Variants in FUS observed in about 807,000 individuals in gnomAD.
FUS encodes RNA-binding protein FUS.
In FUS, 5 loss-of-function variants were observed where a neutral mutation model predicts 82.7. The ratio of observed to expected loss-of-function variants is 0.06; its 90% CI spans 0.03 to 0.13. FUS has a LOEUF of 0.13. FUS is among the 10% of genes least tolerant of loss of function. FUS has a pLI of 1.00. For synonymous variants in FUS, 281 were observed against 247.4 expected (o/e 1.14, Z -1.27); for missense variants, 512 against 707.8 (o/e 0.72, Z 3.14).
intron 7 of FUS, 39 bp downstream of exon 7, chr16:31,186,875 A>G (rs2079278360): frequency 3.8e-6 from 6 of 1,578,982 alleles, no homozygotes; most frequent in Non-Finnish European, 3.5e-6. Flanking sequence ...AACTCCCAGC[A>G]ATGCTTTGTC....
rs1351612749 is a variant in FUS, at chr16:31,184,017, A to T, written c.335+15A>T. The T allele has an allele frequency of 5.0e-6, 8 of 1,613,890 alleles. No homozygotes were observed. Among genetic ancestry groups the T allele is most frequent in the Non-Finnish European group, 6.8e-6 (8 of 1,180,000 alleles). ...ACCTCGGGAAGGTACGGTGGTGTTG[A>T]TGTCGGGGAAGGCTTGAAAAGAGGG... On this transcript the variant is annotated intron_variant, in intron 4 of 14. Coordinates refer to ENST00000254108, the MANE Select transcript of FUS (RefSeq NM_004960.4).
In FUS at chr16:31,184,112, G is replaced by T. The variant is rs1028521824; in HGVS notation, c.336-97G>T. 24 of 1,612,792 alleles carry T rather than the reference G, an allele frequency of 1.5e-5. 1 individual carries two copies. The East Asian group carries it at 4.2e-4, about 28-fold the overall frequency. On this transcript the variant is annotated intron_variant, in intron 4 of 14. Coordinates refer to ENST00000254108, the MANE Select transcript of FUS (RefSeq NM_004960.4). ...TCAGAGGTGTAATTGGGGTAGGGGA[G>T]CCTGTGTTGGGTACAGAGAATGGAC...
chr16:31,188,130 C>A, intron 7 of FUS, 195 bp from the exon 8 acceptor site: 1 of 617,200 alleles, frequency 1.6e-6, no homozygotes, highest in Non-Finnish European at 2.8e-6. Context: ...TCTTAAGGGG[C>A]CTGCCTAGAA....
In FUS at chr16:31,184,631, G is replaced by A. The variant is rs531966105; in HGVS notation, c.523+235G>A. Reference sequence around the variant, plus strand: ...GCTAATTTTTTGTATTTTTAGTAGAGACGGGGTTTCACCATGTTAGCCAGG... The same window carrying A: ...GCTAATTTTTTGTATTTTTAGTAGAAACGGGGTTTCACCATGTTAGCCAGG... On this transcript the variant is annotated intron_variant, in intron 5 of 14. Coordinates refer to ENST00000254108, the MANE Select transcript of FUS (RefSeq NM_004960.4). Among the ~76,000 whole-genome samples, 11 of 152,104 alleles carry A rather than the reference G, an allele frequency of 7.2e-5. No homozygotes were observed. In the East Asian group the frequency reaches 2.1e-3, roughly 29 times the overall value.
chr16:31,193,851 G>A (rs970252038), downstream of FUS: 3 of 524,432 alleles, frequency 5.7e-6, no homozygotes, highest in Admixed American at 2.2e-5. Flanking sequence ...GGTTTCACTG[G>A]GTTGCCCAGG....
At position 31,191,424 on chromosome 16, in the gene FUS, G is replaced by C; in HGVS notation, c.1567G>C (p.Glu523Gln). The change falls in exon 15 of 15, where the codon GAG becomes CAG. Residue 523 changes from glutamate to glutamine, a missense_variant. By Grantham distance (29) the Glu-to-Gln change is conservative. Coordinates refer to ENST00000254108, the MANE Select transcript of FUS (RefSeq NM_004960.4). ...GGGTGAGCACAGACAGGATCGCAGG[G>C]AGAGGCCGTATTAATTAGCCTGGCT... ...SRGEHRQDRR[E>Q]RPY 1 of 1,613,276 alleles carries C rather than the reference G, an allele frequency of 6.2e-7. No homozygotes were observed. Among genetic ancestry groups the C allele is most frequent in the Non-Finnish European group, 8.5e-7 (1 of 1,179,774 alleles).
intron 3 of FUS, chr16:31,183,279 T>TAA (rs545467315): frequency 5.0e-4 from 79 of 158,896 alleles, no homozygotes; most frequent in South Asian, 5.7e-4. Flanking sequence ...CTCAAAAACA[T>TAA]AAAAAAAAAA....
At chr16:31,188,469 G>GGAA (rs2079304917) in intron 8 of FUS, 112 bp downstream of exon 8, 1 of 1,125,536 alleles carries the variant, frequency 8.9e-7, no homozygotes, top group Non-Finnish European at 1.4e-6. Flanking sequence ...GGATAGAGAA[G>GGAA]GAAGGGAGTT....
intron 7 of FUS, 31 bp downstream of exon 7, chr16:31,186,867 C>A: frequency 6.3e-7 from 1 of 1,596,754 alleles, no homozygotes; most frequent in Non-Finnish European, 8.6e-7. Flanking sequence ...AAATTCCCAA[C>A]TCCCAGCAAT....
At chr16:31,188,121 C>A in intron 7 of FUS, 1 of 610,822 alleles carries the variant, frequency 1.6e-6, no homozygotes, top group Non-Finnish European at 2.9e-6. Context: ...AGTTACAGAT[C>A]TTAAGGGGCC....
chr16:31,183,202 A>C (rs961318140), intron 3 of FUS: 4 of 187,284 alleles, frequency 2.1e-5, no homozygotes, highest in African/African-American at 9.5e-5. Flanking sequence ...TTGGGGCTGC[A>C]GTGAGCTATG....
intron 1 of FUS, 164 bp from the exon 2 acceptor site, chr16:31,182,234 A>C (rs1306763073): frequency 1.3e-6 from 1 of 771,518 alleles, no homozygotes; most frequent in Non-Finnish European, 2.3e-6. Context: ...CAAGTGATCC[A>C]CCCACCTCGG....
At chr16:31,193,263 C>T (rs12922585), downstream of FUS, 4 of 509,666 alleles carry the variant, frequency 7.8e-6, no homozygotes, top group African/African-American at 3.8e-5. Context: ...TTGGGGTGCT[C>T]TCTAAGCAAC....
downstream of FUS, chr16:31,194,804 A>G (rs1308465267): frequency 2.1e-6 from 1 of 480,146 alleles, no homozygotes; most frequent in East Asian, 5.0e-5. Context: ...GGAGGTTGCA[A>G]ATGTTTTGTG....
In FUS at chr16:31,190,407, A is replaced by C; in HGVS notation, c.1292+9A>C. On this transcript the variant is annotated intron_variant, in intron 12 of 14. Transcript: ENST00000254108. ...TGGAAGTGTCCTAATCCGTGAGTGAAACTTAATTTTTTTCTTAGTTCTCTT... is the reference window on the plus strand; with the variant it reads ...TGGAAGTGTCCTAATCCGTGAGTGACACTTAATTTTTTTCTTAGTTCTCTT... 6.2e-7 allele frequency: 1 copy of C among 1,614,060 alleles called. No individual in the cohort carries two copies. The highest frequency in any genetic ancestry group is 2.2e-5 in the East Asian group (1 of 44,876).
In FUS at chr16:31,183,927, C is replaced by T; in HGVS notation, c.260C>T (p.Ser87Phe). The T allele has an allele frequency of 6.2e-7, 1 of 1,613,880 alleles. No homozygotes were observed. ...GGCGGCTATGGCAGTAGCCAGAGCT[C>T]CCAATCGTCTTACGGGCAGCAGTCC... ...STGGYGSSQS[S>F]QSSYGQQSSY... Residue 87 changes from serine (S) to phenylalanine (F), a missense_variant, in exon 4 of 15, where the codon TCC (serine) becomes TTC (phenylalanine). Physicochemically the swap from Ser to Phe is radical, Grantham distance 155 (BLOSUM62 -2). Around this residue, in one of 6 missense-constraint regions of FUS, gnomAD observed 276 missense variants for 303.3 expected, o/e 0.91. Coordinates refer to ENST00000254108, the MANE Select transcript of FUS (RefSeq NM_004960.4).
At chr16:31,186,564 A>G in intron 6 of FUS, 3 of 576,704 alleles carry the variant, frequency 5.2e-6, no homozygotes, top group Admixed American at 3.0e-5. Context: ...GAGGAAATAG[A>G]TAACGTAACC....
Position 31,180,164 on chromosome 16 carries a change from C to G in FUS, c.-51C>G, listed in dbSNP as rs571696003. The G allele has an allele frequency of 1.9e-6, 3 of 1,602,220 alleles. No homozygotes were observed. Among genetic ancestry groups the G allele is most frequent in the Middle Eastern group, 1.7e-4 (1 of 6,046 alleles). On this transcript the variant is annotated 5_prime_UTR_variant, in exon 1 of 15. Transcript: ENST00000254108. ...GCTCAGTCCTCCAGGCGTCGGTACT[C>G]AGCGGTGTTGGAACTTCGTTGCTTG...
In FUS at chr16:31,188,319, C is replaced by CT; in HGVS notation, c.800-5dup. On this transcript the variant is annotated splice_region_variant and splice_polypyrimidine_tract_variant and intron_variant, in intron 7 of 14. Coordinates refer to ENST00000254108, the MANE Select transcript of FUS (RefSeq NM_004960.4). ...TTTTTTGTTCTTTTTTTCCATGTCA[C>CT]TAAAGGCCCTCGGGACCAAGGATCA... 6.2e-7 allele frequency: 1 copy of CT among 1,612,222 alleles called. No homozygotes were observed. The highest frequency in any genetic ancestry group is 8.5e-7 in the Non-Finnish European group (1 of 1,179,692).
Sources: allele counts gnomAD v4.1 joint callset (sites outside exome capture counted in the v4.1 genomes callset), GRCh38; gene constraint gnomAD v4.1.1; regional missense constraint gnomAD v4.1.1; transcripts MANE v1.5; gene names NCBI Gene and HGNC (gene_info 2026-07-23, HGNC 2026-07-21).